SMYD3: variants seen among roughly 807,000 people sequenced by gnomAD.
SMYD3 encodes histone-lysine N-methyltransferase SMYD3.
In SMYD3, 36 loss-of-function variants were observed where a neutral mutation model predicts 57.7. The ratio of observed to expected loss-of-function variants is 0.62; its 90% CI spans 0.48 to 0.82. The LOEUF is 0.82. SMYD3 is among the 40% of genes least tolerant of loss of function. SMYD3 has a pLI of 0.00. For synonymous variants in SMYD3, 211 were observed against 195.0 expected, an observed-to-expected ratio of 1.08 and a Z score of -0.68; for missense variants, 515 against 538.8, an observed-to-expected ratio of 0.96 and a Z score of 0.44.
chr1:246,197,520 TA>T (rs932507135), intron 5 of SMYD3, among the ~76,000 whole-genome samples: 2 of 152,116 alleles, frequency 1.3e-5, no homozygotes, highest in African/African-American at 4.8e-5. Flanking sequence ...TCTTTCCACG[TA>T]AGGTACGTTC....
intron 1 of SMYD3, among the ~76,000 whole-genome samples, chr1:246,390,462 A>G (rs2066542456): frequency 6.6e-6 from 1 of 152,142 alleles, no homozygotes; most frequent in Non-Finnish European, 1.5e-5. Flanking sequence ...CAAAGTTACC[A>G]TACTTCACTA....
intron 1 of SMYD3, among the ~76,000 whole-genome samples, chr1:246,421,957 T>A (rs966403862): frequency 5.9e-5 from 9 of 152,196 alleles, no homozygotes; most frequent in Non-Finnish European, 8.8e-5. Context: ...ATGAGGGTGA[T>A]CTTTACCAGT....
At chr1:245,815,711 T>C (rs78759758) in intron 10 of SMYD3, among the ~76,000 whole-genome samples, 8 of 152,196 alleles carry the variant, frequency 5.3e-5, no homozygotes, top group Non-Finnish European at 8.8e-5. Context: ...GATATGTCTT[T>C]AACACTTTAC....
At chr1:246,302,654 G>A (rs888136141) in intron 5 of SMYD3, among the ~76,000 whole-genome samples, 1 of 152,100 alleles carries the variant, frequency 6.6e-6, no homozygotes, top group South Asian at 2.1e-4. Context: ...AAATTGGACA[G>A]TTCATGCTTC....
At chr1:245,968,962 G>A in intron 5 of SMYD3, among the ~76,000 whole-genome samples, 1 of 152,090 alleles carries the variant, frequency 6.6e-6, no homozygotes. Flanking sequence ...GCATCATAGG[G>A]CTATGAGACC....
chr1:245,947,225 C>T (rs536532700), intron 5 of SMYD3, among the ~76,000 whole-genome samples: 38 of 152,238 alleles, frequency 2.5e-4, no homozygotes, highest in African/African-American at 8.0e-4. Context: ...GAGATATTCT[C>T]TCCTAAGGCA....
At chr1:246,370,188 A>G (rs1371744627) in intron 1 of SMYD3, among the ~76,000 whole-genome samples, 1 of 152,222 alleles carries the variant, frequency 6.6e-6, no homozygotes, top group Non-Finnish European at 1.5e-5. Flanking sequence ...ACCGGCCACC[A>G]TGGGCATCAT....
intron 5 of SMYD3, among the ~76,000 whole-genome samples, chr1:246,043,472 G>T (rs1198432605): frequency 6.6e-6 from 1 of 152,124 alleles, no homozygotes; most frequent in African/African-American, 2.4e-5. Context: ...CCAAAACAAG[G>T]TGACTATTTT....
At chr1:246,263,698 A>G (rs2064053360) in intron 5 of SMYD3, among the ~76,000 whole-genome samples, 1 of 152,206 alleles carries the variant, frequency 6.6e-6, no homozygotes, top group Non-Finnish European at 1.5e-5. Flanking sequence ...GTACAATTCT[A>G]TGTACCTTCA....
At chr1:246,220,562 T>A (rs1273143034) in intron 5 of SMYD3, among the ~76,000 whole-genome samples, 1 of 152,130 alleles carries the variant, frequency 6.6e-6, no homozygotes, top group Non-Finnish European at 1.5e-5. Context: ...GGCTTCTCTC[T>A]GCTATCGATG....
chr1:245,802,298 G>A (rs2047907661), intron 10 of SMYD3, among the ~76,000 whole-genome samples: 1 of 152,146 alleles, frequency 6.6e-6, no homozygotes, highest in Non-Finnish European at 1.5e-5. Flanking sequence ...GGAGACAACT[G>A]CTGTGAAGCC....
intron 2 of SMYD3, among the ~76,000 whole-genome samples, chr1:246,346,388 C>T (rs866869129): frequency 6.6e-6 from 1 of 152,158 alleles, no homozygotes; most frequent in South Asian, 2.1e-4. Context: ...TTTTACATCA[C>T]GTCTAGCTAT....
chr1:245,822,530 TAA>T (rs1168021056), intron 10 of SMYD3, among the ~76,000 whole-genome samples: 1 of 146,688 alleles, frequency 6.8e-6, no homozygotes, highest in African/African-American at 2.6e-5. Flanking sequence ...ACATGTACCC[TAA>T]AACTTAAAGT....
Position 246,309,936 on chromosome 1 carries a change from G to A in SMYD3, c.531+17265C>T, listed in dbSNP as rs562097058. Among the ~76,000 whole-genome samples the A allele has an allele frequency of 7.9e-5, 12 of 152,236 alleles. No individual in the cohort carries two copies. The East Asian group carries it at 2.1e-3, about 27-fold the overall frequency. On this transcript the variant is annotated intron_variant, in intron 5 of 11. Transcript: ENST00000490107. The stretch of plus-strand genomic sequence containing the variant: ...TTATGGAATACCAGACACTACATGA[G>A]GAAATCTAGGTTTTTAAGACAGAGC...
At chr1:246,416,198 T>G (rs566236365) in intron 1 of SMYD3, among the ~76,000 whole-genome samples, 2 of 152,304 alleles carry the variant, frequency 1.3e-5, no homozygotes, top group Admixed American at 1.3e-4. Flanking sequence ...AAACAATCCT[T>G]AAGAACATCA....
At chr1:246,047,902 G>A (rs183357366) in intron 5 of SMYD3, among the ~76,000 whole-genome samples, 2 of 151,860 alleles carry the variant, frequency 1.3e-5, no homozygotes, top group Admixed American at 6.6e-5. Context: ...AGATACCCAC[G>A]ACAGGAAACC....
rs1307881494 is a variant in SMYD3 at position 246,481,621 on chromosome 1, T to TATATATATATATATATATATACAC, written c.164+25432_164+25433insGTGTATATATATATATATATATAT. 3.7e-4 allele frequency among the ~76,000 whole-genome samples: 36 copies of TATATATATATATATATATATACAC among 98,526 alleles called. 1 individual carries two copies. Among genetic ancestry groups the TATATATATATATATATATATACAC allele is most frequent in the South Asian group, 6.1e-4 (2 of 3,270 alleles). 64.6% of individuals were successfully genotyped at this position (98,526 alleles called of 152,430 possible). On this transcript the variant is annotated intron_variant, in intron 1 of 11. Coordinates refer to ENST00000490107, the MANE Select transcript of SMYD3 (RefSeq NM_001167740.2). Reference sequence around the variant, plus strand: ...ATATATATATATACACATACATATATACATACATACATACACATATTCATA... The same window carrying TATATATATATATATATATATACAC: ...ATATATATATATACACATACATATATATATATATATATATATATATACACACATACATACATACACATATTCATA...
At chr1:245,766,572 T>G (rs541831094) in intron 10 of SMYD3, among the ~76,000 whole-genome samples, 1 of 152,262 alleles carries the variant, frequency 6.6e-6, no homozygotes, top group Admixed American at 6.5e-5. Flanking sequence ...GAAATGACTT[T>G]AAGATCCCCA....
At chr1:245,782,909 GA>G (rs2046890086) in intron 10 of SMYD3, among the ~76,000 whole-genome samples, 1 of 152,192 alleles carries the variant, frequency 6.6e-6, no homozygotes, top group South Asian at 2.1e-4. Context: ...CTGCCTGGCT[GA>G]AAAGAGTGAC....
Sources: gnomAD v4.1 joint callset for allele counts (sites outside exome capture counted in the v4.1 genomes callset) on GRCh38, gnomAD v4.1.1 for gene constraint, MANE v1.5 for transcripts, NCBI Gene and HGNC (gene_info 2026-07-23, HGNC 2026-07-21) for gene names.